The following SCN2A variants were observed in gnomAD, a reference collection of about 807,000 sequenced individuals.
SCN2A encodes sodium voltage-gated channel alpha subunit 2.
In SCN2A, 20 loss-of-function variants were observed where a neutral mutation model predicts 188.7. The observed-to-expected ratio is 0.11, with a 90% confidence interval of 0.07 to 0.15. The LOEUF (loss-of-function observed/expected upper bound fraction) is 0.15, where lower values mean the gene tolerates loss of function less well. SCN2A is among the 10% of genes least tolerant of loss of function. SCN2A has a pLI of 1.00. For missense variants in SCN2A, 1,278 were observed against 2,445.0 expected, an observed-to-expected ratio of 0.52 and a Z score of 10.07; for synonymous variants, 804 against 833.1, an observed-to-expected ratio of 0.97 and a Z score of 0.60.
intron 1 of SCN2A, among the ~76,000 whole-genome samples, chr2:165,263,645 T>C (rs1269397052): frequency 6.6e-6 from 1 of 152,104 alleles, no homozygotes; most frequent in Non-Finnish European, 1.5e-5. Context: ...ATTCAGGTAA[T>C]GTGATGCCTC....
intron 11 of SCN2A, among the ~76,000 whole-genome samples, chr2:165,319,230 G>A (rs1017960006): frequency 2.0e-5 from 3 of 152,034 alleles, no homozygotes; most frequent in African/African-American, 4.8e-5. Flanking sequence ...CCAGCTGCTC[G>A]GGAGGCTGAG....
chr2:165,294,039 GAT>G, intron 1 of SCN2A: 1 of 273,624 alleles, frequency 3.7e-6, no homozygotes, highest in Non-Finnish European at 4.4e-6. Flanking sequence ...AAAAAAAAAA[GAT>G]TTTTTTTTTT....
intron 1 of SCN2A, among the ~76,000 whole-genome samples, chr2:165,256,398 G>A (rs766453720): frequency 5.9e-5 from 9 of 151,964 alleles, no homozygotes; most frequent in East Asian, 5.8e-4. Context: ...ATTAGAATTC[G>A]TTGCAACAAC....
At chr2:165,384,664 G>T (rs781306473) in intron 25 of SCN2A, among the ~76,000 whole-genome samples, 3 of 152,054 alleles carry the variant, frequency 2.0e-5, no homozygotes, top group Non-Finnish European at 4.4e-5. Flanking sequence ...AAGTGGAAGG[G>T]AAAGAAAACT....
At position 165,315,838 on chromosome 2, in the gene SCN2A, G is replaced by T. The variant is rs145007580; in HGVS notation, c.1671+80G>T. 3.0e-5 allele frequency: 44 copies of T among 1,478,742 alleles called. No homozygotes were observed. The African/African-American group carries it at 5.9e-4, about 20-fold the overall frequency. The allele number at this position is 1,478,742 out of a possible 1,614,324, so 91.6% of individuals were successfully genotyped here. The stretch of plus-strand genomic sequence containing the variant: ...GCCAGAATTTAATGGAGAGAAAACC[G>T]CCTTCCACCTGGATGGCACAATGCT... On this transcript the variant is annotated intron_variant, in intron 11 of 26. Coordinates refer to ENST00000375437, the MANE Select transcript of SCN2A (RefSeq NM_001040142.2).
chr2:165,293,991 G>A, intron 1 of SCN2A: 2 of 431,560 alleles, frequency 4.6e-6, no homozygotes, highest in African/African-American at 5.1e-5. Context: ...GAAGTTAGGT[G>A]TGGTCTTTGA....
At chr2:165,281,416 A>G (rs941925551) in intron 1 of SCN2A, among the ~76,000 whole-genome samples, 1 of 152,006 alleles carries the variant, frequency 6.6e-6, no homozygotes, top group Non-Finnish European at 1.5e-5. Flanking sequence ...GGAATGAGCC[A>G]TGCAAATTTC....
intron 17 of SCN2A, among the ~76,000 whole-genome samples, chr2:165,360,439 A>C (rs1700404624): frequency 6.6e-6 from 1 of 151,994 alleles, no homozygotes; most frequent in Non-Finnish European, 1.5e-5. Flanking sequence ...CATTAAGCAA[A>C]ATATGATTCT....
At chr2:165,309,574 A>AT in intron 6 of SCN2A, 131 bp downstream of exon 6, 2 of 1,077,662 alleles carry the variant, frequency 1.9e-6, no homozygotes, top group Non-Finnish European at 2.8e-6. Flanking sequence ...TTGGTACATC[A>AT]TTTTTTGGAT....
chr2:165,346,886 A>G (rs906679318), intron 16 of SCN2A, among the ~76,000 whole-genome samples: 5 of 152,256 alleles, frequency 3.3e-5, no homozygotes, highest in African/African-American at 1.2e-4. Flanking sequence ...TCAAAACCAC[A>G]ATGAGATACC....
Position 165,374,900 on chromosome 2 carries a change from C to G in SCN2A, c.4188C>G (p.Ala1396=). Residue 1396 remains alanine (A), a synonymous_variant, in exon 22 of 27, where the codon GCC becomes GCG. Coordinates refer to ENST00000375437, the MANE Select transcript of SCN2A (RefSeq NM_001040142.2). ...CKALIESNQT[A]RWKNVKVNFD... is the part of the protein sequence containing the mutation. ...CTCTCATTGAGAGCAATCAAACTGC[C>G]AGGTGGAAAAATGTGAAAGTAAACT... The G allele has an allele frequency of 6.2e-7, 1 of 1,613,434 alleles. No individual in the cohort carries two copies. The highest frequency in any genetic ancestry group is 8.5e-7 in the Non-Finnish European group (1 of 1,179,608).
At chr2:165,363,302 C>T (rs1356902274) in intron 17 of SCN2A, among the ~76,000 whole-genome samples, 1 of 152,084 alleles carries the variant, frequency 6.6e-6, no homozygotes, top group African/African-American at 2.4e-5. Flanking sequence ...TATGGATCCT[C>T]ATTTTTCCCT....
chr2:165,342,268 C>A, intron 14 of SCN2A, 28 bp from the exon 15 acceptor site: 1 of 1,590,648 alleles, frequency 6.3e-7, no homozygotes, highest in South Asian at 1.1e-5. Context: ...AGTATTTGCT[C>A]ATATAATGAA....
At position 165,291,490 on chromosome 2, in the gene SCN2A, C is replaced by CTTTCT. The variant is rs1265345470; in HGVS notation, c.-51-4280_-51-4279insCTTTT. Among the ~76,000 whole-genome samples, 93 of 22,334 alleles carry CTTTCT rather than the reference C, an allele frequency of 4.2e-3. 1 individual carries two copies. Among genetic ancestry groups the CTTTCT allele is most frequent in the Admixed American group, 0.018 (32 of 1,752 alleles). The allele number at this position is 22,334 out of a possible 152,430, so 14.7% of individuals were successfully genotyped here. On this transcript the variant is annotated intron_variant, in intron 1 of 26. Transcript: ENST00000375437. The stretch of plus-strand genomic sequence containing the variant: ...TCTTTCTTTCTTTCTTTCTTTCTTT[C>CTTTCT]TTTTCTTTCTTTCTTTCTTTCTTCC...
chr2:165,390,011 G>A lies in SCN2A; in HGVS notation c.*187G>A, dbSNP rs984813326. On this transcript the variant is annotated 3_prime_UTR_variant, in exon 27 of 27. Transcript: ENST00000375437. ...CAGCAAACTGGAACTCAGTAAACTG[G>A]AGAAATAGTATCGATGGGAGGTTTC... 1.3e-5 allele frequency: 12 copies of A among 898,142 alleles called. No individual in the cohort carries two copies. The African/African-American group carries it at 1.9e-4, about 14-fold the overall frequency. The allele number at this position is 898,142 out of a possible 1,614,324, so 55.6% of individuals were successfully genotyped here.
At chr2:165,388,283 C>A (rs1364821822) in intron 26 of SCN2A, among the ~76,000 whole-genome samples, 6 of 152,102 alleles carry the variant, frequency 3.9e-5, no homozygotes, top group Non-Finnish European at 8.8e-5. Flanking sequence ...AGTTCTTATG[C>A]AAATACTAGA....
chr2:165,277,943 A>C (rs568040675), intron 1 of SCN2A, among the ~76,000 whole-genome samples: 41 of 152,234 alleles, frequency 2.7e-4, no homozygotes, highest in Non-Finnish European at 5.9e-4. Context: ...AGAGGAGTAC[A>C]TCATAATCTT....
chr2:165,347,100 C>A lies in SCN2A; in HGVS notation c.2919+2189C>A, dbSNP rs113209000. Reference sequence around the variant, plus strand: ...AGGAATCCCATAACTGGGTATATACCCAAAGGGTTATAAATCATTCTGCTA... The same window carrying A: ...AGGAATCCCATAACTGGGTATATACACAAAGGGTTATAAATCATTCTGCTA... On this transcript the variant is annotated intron_variant, in intron 16 of 26. Coordinates refer to ENST00000375437, the MANE Select transcript of SCN2A (RefSeq NM_001040142.2). 1.5e-3 allele frequency among the ~76,000 whole-genome samples: 223 copies of A among 152,230 alleles called. 1 individual carries two copies. Among genetic ancestry groups the A allele is most frequent in the African/African-American group, 5.2e-3 (217 of 41,540 alleles).
intron 1 of SCN2A, among the ~76,000 whole-genome samples, chr2:165,256,650 G>A (rs564382742): frequency 6.6e-6 from 1 of 152,052 alleles, no homozygotes; most frequent in African/African-American, 2.4e-5. Flanking sequence ...AGGTATCCAC[G>A]CTATATCCAA....
Sources: allele counts gnomAD v4.1 joint callset (sites outside exome capture counted in the v4.1 genomes callset), GRCh38; gene constraint gnomAD v4.1.1; transcripts MANE v1.5; gene names NCBI Gene and HGNC (gene_info 2026-07-23, HGNC 2026-07-21).